Variants in EFNA5 observed in about 807,000 individuals in gnomAD.
The protein encoded by EFNA5 is ephrin-A5.
EFNA5 carries 5 observed loss-of-function variants against 22.9 expected under a neutral mutation model. That is an observed-to-expected ratio of 0.22 (90% CI 0.11 to 0.46). The LOEUF (loss-of-function observed/expected upper bound fraction) is 0.46. Among genes scored for constraint, EFNA5 ranks in the 20% least tolerant of loss-of-function variants. The pLI is 0.99. For synonymous variants in EFNA5, 113 were observed against 112.2 expected (o/e 1.01, Z -0.04); for missense variants, 237 against 293.3 (o/e 0.81, Z 1.40).
At chr5:107,618,565 A>G (rs1191474094) in intron 1 of EFNA5, among the ~76,000 whole-genome samples, 2 of 152,242 alleles carry the variant, frequency 1.3e-5, no homozygotes, top group South Asian at 2.1e-4. Context: ...GAAATGTCAG[A>G]TTTGGCGATG....
intron 1 of EFNA5, among the ~76,000 whole-genome samples, chr5:107,452,525 A>G (rs1409625382): frequency 6.6e-6 from 1 of 151,954 alleles, no homozygotes; most frequent in Non-Finnish European, 1.5e-5. Context: ...GAAGTTTGAG[A>G]CCAACCTGAG....
At chr5:107,463,736 TA>T (rs1462995473) in intron 1 of EFNA5, among the ~76,000 whole-genome samples, 1 of 152,216 alleles carries the variant, frequency 6.6e-6, no homozygotes, top group Non-Finnish European at 1.5e-5. Flanking sequence ...ATAATCACTT[TA>T]AAATTCATTA....
chr5:107,638,976 G>T (rs1227321097), intron 1 of EFNA5, among the ~76,000 whole-genome samples: 1 of 152,036 alleles, frequency 6.6e-6, no homozygotes, highest in African/African-American at 2.4e-5. Flanking sequence ...TAAAATAAAT[G>T]GATTTAATAA....
In EFNA5 at chr5:107,387,788, G is replaced by C; in HGVS notation, c.419-17C>G. ...TTGCAGAGGCTGTGGGTAACACAGAGAGAGAGCAGGAAAGAAAGAAGAGAA... is the reference window on the plus strand; with the variant it reads ...TTGCAGAGGCTGTGGGTAACACAGACAGAGAGCAGGAAAGAAAGAAGAGAA... On this transcript the variant is annotated splice_polypyrimidine_tract_variant and intron_variant, in intron 2 of 4. Coordinates refer to ENST00000333274, the MANE Select transcript of EFNA5 (RefSeq NM_001962.3). The C allele has an allele frequency of 6.4e-7, 1 of 1,567,188 alleles. No individual in the cohort carries two copies. Among genetic ancestry groups the C allele is most frequent in the Non-Finnish European group, 8.8e-7 (1 of 1,142,606 alleles).
At chr5:107,484,071 T>C (rs559718808) in intron 1 of EFNA5, among the ~76,000 whole-genome samples, 5 of 152,324 alleles carry the variant, frequency 3.3e-5, no homozygotes, top group Admixed American at 3.3e-4. Flanking sequence ...TACTGTCCCA[T>C]GGTACCCATC....
chr5:107,444,737 A>C (rs1749346040), intron 1 of EFNA5, among the ~76,000 whole-genome samples: 1 of 152,194 alleles, frequency 6.6e-6, no homozygotes, highest in South Asian at 2.1e-4. Context: ...CATTTGTGTA[A>C]GTCAAACTTA....
intron 1 of EFNA5, among the ~76,000 whole-genome samples, chr5:107,507,083 A>C (rs1029050425): frequency 1.3e-5 from 2 of 152,222 alleles, no homozygotes; most frequent in Non-Finnish European, 2.9e-5. Flanking sequence ...AGAATGAGAG[A>C]GCTATTATTC....
In EFNA5 at chr5:107,631,291, T is replaced by A. The variant is rs868629244; in HGVS notation, c.125+39198A>T. Among the ~76,000 whole-genome samples the A allele has an allele frequency of 3.3e-4, 43 of 128,846 alleles. 1 individual carries two copies. The highest frequency in any genetic ancestry group is 4.0e-3 in the Middle Eastern group (1 of 252). The allele number at this position is 128,846 out of a possible 152,430, so 84.5% of individuals were successfully genotyped here. On this transcript the variant is annotated intron_variant, in intron 1 of 4. Coordinates refer to ENST00000333274, the MANE Select transcript of EFNA5 (RefSeq NM_001962.3). ...CACACACACACACACACACACACAC[T>A]CTCTGTCTCTCTCATATGCCCTGTC...
At chr5:107,451,467 T>C (rs979694883) in intron 1 of EFNA5, among the ~76,000 whole-genome samples, 25 of 152,086 alleles carry the variant, frequency 1.6e-4, no homozygotes, top group Non-Finnish European at 1.3e-4. Flanking sequence ...TTTTACAAAA[T>C]GAAAAAAGTC....
intron 4 of EFNA5, among the ~76,000 whole-genome samples, chr5:107,383,946 G>GC (rs999783786): frequency 1.3e-5 from 2 of 152,062 alleles, no homozygotes; most frequent in African/African-American, 4.8e-5. Context: ...ATATCTTCCT[G>GC]CCCCCCAAAA....
intron 1 of EFNA5, among the ~76,000 whole-genome samples, chr5:107,580,721 C>CAAAAAA (rs56868732): frequency 4.8e-5 from 4 of 83,574 alleles, no homozygotes; most frequent in African/African-American, 1.4e-4. Context: ...GACTCCATCT[C>CAAAAAA]AAAAAAAAAA....
intron 2 of EFNA5, among the ~76,000 whole-genome samples, chr5:107,412,433 A>G (rs1052274334): frequency 6.6e-6 from 1 of 152,220 alleles, no homozygotes; most frequent in Non-Finnish European, 1.5e-5. Context: ...AATCTGGTTG[A>G]TAATAAAACT....
chr5:107,656,961 A>G (rs357109), intron 1 of EFNA5, among the ~76,000 whole-genome samples: 144,395 of 152,106 alleles, frequency 0.95, 68,582 homozygotes, highest in East Asian at 1. Context: ...AAACAAATTT[A>G]AAGTTTGATC....
At chr5:107,655,810 C>T (rs1160028644) in intron 1 of EFNA5, among the ~76,000 whole-genome samples, 1 of 152,138 alleles carries the variant, frequency 6.6e-6, no homozygotes, top group Non-Finnish European at 1.5e-5. Context: ...GGTTTCAATG[C>T]ATTAAAATAT....
chr5:107,457,687 C>G (rs1185282038), intron 1 of EFNA5, among the ~76,000 whole-genome samples: 1 of 152,002 alleles, frequency 6.6e-6, no homozygotes, highest in Non-Finnish European at 1.5e-5. Context: ...AATAAGTTAC[C>G]TAGTTTAAAA....
chr5:107,421,571 G>A (rs1219246786), intron 2 of EFNA5, among the ~76,000 whole-genome samples: 2 of 152,042 alleles, frequency 1.3e-5, no homozygotes, highest in African/African-American at 4.8e-5. Flanking sequence ...TTCTGGAGAT[G>A]GAAAAGTATC....
chr5:107,392,780 T>A (rs1448596970), intron 2 of EFNA5, among the ~76,000 whole-genome samples: 3 of 152,224 alleles, frequency 2.0e-5, no homozygotes, highest in Non-Finnish European at 2.9e-5. Flanking sequence ...CAGCATGCCC[T>A]TGCTCCCACA....
intron 1 of EFNA5, among the ~76,000 whole-genome samples, chr5:107,660,539 TTAGAA>T (rs1750931851): frequency 6.6e-6 from 1 of 151,646 alleles, no homozygotes; most frequent in Non-Finnish European, 1.5e-5. Flanking sequence ...GAAATACTCT[TTAGAA>T]TAGCTTTATA....
At chr5:107,570,973 TCA>T (rs1238509555) in intron 1 of EFNA5, among the ~76,000 whole-genome samples, 2 of 152,204 alleles carry the variant, frequency 1.3e-5, no homozygotes, top group African/African-American at 4.8e-5. Flanking sequence ...AGATTTGAGC[TCA>T]GTGATTTCAC....
Sources: gnomAD v4.1 joint callset for allele counts (sites outside exome capture counted in the v4.1 genomes callset) on GRCh38, gnomAD v4.1.1 for gene constraint, MANE v1.5 for transcripts, NCBI Gene and HGNC (gene_info 2026-07-23, HGNC 2026-07-21) for gene names.